Variants in DNAH10 observed in about 807,000 individuals in gnomAD.
The protein encoded by DNAH10 is axonemal beta dynein heavy chain 10.
A neutral mutation model predicts 506.6 loss-of-function variants in DNAH10; 348 were observed. The observed-to-expected ratio is 0.69, with a 90% CI of 0.63 to 0.75. DNAH10 has a LOEUF of 0.75. DNAH10 is among the 30% of genes least tolerant of loss of function. DNAH10 has a pLI of 0.00. For missense variants in DNAH10, 5,179 were observed against 5,787.1 expected (o/e 0.89, Z 3.41); for synonymous variants, 2,059 against 2,198.6 (o/e 0.94, Z 1.78).
At chr12:123,885,040 C>T (rs758504720) in intron 51 of DNAH10, among the ~76,000 whole-genome samples, 6 of 152,156 alleles carry the variant, frequency 3.9e-5, no homozygotes, top group Non-Finnish European at 7.3e-5. Flanking sequence ...ATATTATAAG[C>T]TGAAAATGCA....
intron 43 of DNAH10, among the ~76,000 whole-genome samples, 193 bp downstream of exon 43, chr12:123,868,312 A>G (rs1309163781): frequency 1.3e-5 from 2 of 152,220 alleles, no homozygotes; most frequent in African/African-American, 2.4e-5. Context: ...CTGCTGTGAC[A>G]GAAGCCCAGG....
chr12:123,856,201 T>A (rs1169765008), intron 36 of DNAH10, among the ~76,000 whole-genome samples: 1 of 147,528 alleles, frequency 6.8e-6, no homozygotes, highest in East Asian at 1.9e-4. Context: ...ATATAAATTT[T>A]ATAAAATTTA....
intron 58 of DNAH10, 74 bp from the exon 59 acceptor site, chr12:123,910,462 T>G (rs1268702765): frequency 3.9e-6 from 6 of 1,553,684 alleles, no homozygotes; most frequent in Admixed American, 1.9e-5. Context: ...AAACTAGTTA[T>G]GCTTATTTTG....
chr12:123,809,898 T>C (rs1469353792), intron 19 of DNAH10, among the ~76,000 whole-genome samples: 1 of 152,158 alleles, frequency 6.6e-6, no homozygotes. Context: ...TGGGTTCCTC[T>C]TGCAAGGATC....
chr12:123,877,710 G>GT lies in DNAH10; in HGVS notation c.8200-26_8200-25insT, dbSNP rs373071023. The GT allele has an allele frequency of 3.6e-4, 505 of 1,407,932 alleles. 3 individuals are homozygous for GT. Among genetic ancestry groups the GT allele is most frequent in the Middle Eastern group, 9.9e-4 (5 of 5,046 alleles). 87.2% of individuals were successfully genotyped at this position (1,407,932 alleles called of 1,614,324 possible). A position where few individuals can be genotyped will look rare whatever the true frequency, so the allele number is the denominator to read the frequency against. On this transcript the variant is annotated intron_variant, in intron 47 of 78. Coordinates refer to ENST00000673944, the MANE Select transcript of DNAH10 (RefSeq NM_001372106.1). ...ATCTACTGAAGGACATTTGTGTGTT[G>GT]GGGGGGGTGTCTTTGCATTTTTCAG...
At chr12:123,934,600 G>A (rs777899615) in intron 77 of DNAH10, 21 bp from the exon 78 acceptor site, 18 of 1,612,350 alleles carry the variant, frequency 1.1e-5, no homozygotes, top group Non-Finnish European at 1.5e-5. Flanking sequence ...GTTGTATCCA[G>A]TCTCTGCCTT....
chr12:123,930,638 A>G (rs1176993009), intron 73 of DNAH10, 65 bp downstream of exon 73: 4 of 1,555,324 alleles, frequency 2.6e-6, no homozygotes, highest in Non-Finnish European at 3.5e-6. Flanking sequence ...ATACATTTCA[A>G]CCGGCTCCTC....
chr12:123,929,250 C>T (rs370369821), intron 70 of DNAH10, 25 bp from the exon 71 acceptor site: 1 of 1,565,358 alleles, frequency 6.4e-7, no homozygotes, highest in African/African-American at 1.4e-5. Context: ...GTCTCCATCA[C>T]TGTGTGTTTT....
intron 2 of DNAH10, among the ~76,000 whole-genome samples, chr12:123,769,787 T>C (rs1208674919): frequency 6.6e-6 from 1 of 152,080 alleles, no homozygotes; most frequent in African/African-American, 2.4e-5. Context: ...GGGGCCTTGC[T>C]CTGTGGCCCA....
At chr12:123,807,892 G>GAC (rs1958752805) in intron 18 of DNAH10, among the ~76,000 whole-genome samples, 3 of 141,206 alleles carry the variant, frequency 2.1e-5, no homozygotes, top group Admixed American at 1.4e-4. Flanking sequence ...GGGAGAGAGA[G>GAC]GTGAAGAGAG....
rs1247794771 is a variant in DNAH10 at position 123,848,758 on chromosome 12, C to A, written c.5978C>A (p.Ala1993Glu). 1 of 1,613,902 alleles carries A rather than the reference C, an allele frequency of 6.2e-7. No homozygotes were observed. Among genetic ancestry groups the A allele is most frequent in the Non-Finnish European group, 8.5e-7 (1 of 1,179,892 alleles). Residue 1993 changes from alanine (A) to glutamate (E), a missense_variant, in exon 34 of 79, where the codon GCA (alanine) becomes GAA (glutamate). Physicochemically the swap from Ala to Glu is moderately radical, Grantham distance 107 (BLOSUM62 -1). This residue lies in a region of DNAH10 where 4,844 missense variants were observed against 5,430.5 expected (regional missense o/e 0.89). Coordinates refer to ENST00000673944, the MANE Select transcript of DNAH10 (RefSeq NM_001372106.1). ...GTGGGGAAGATTTTCTCTGGCCTGG[C>A]ACAGTGCGGGGCTTGGGGCTGCTTT... ...RAVGKIFSGL[A>E]QCGAWGCFDE...
chr12:123,930,739 T>C (rs1438758853), intron 73 of DNAH10, among the ~76,000 whole-genome samples, 166 bp downstream of exon 73: 2 of 152,226 alleles, frequency 1.3e-5, no homozygotes, highest in Admixed American at 6.5e-5. Flanking sequence ...AGCTGACTGA[T>C]AGAGTTCAGA....
chr12:123,875,200 T>A, intron 46 of DNAH10, 31 bp from the exon 47 acceptor site: 1 of 1,582,418 alleles, frequency 6.3e-7, no homozygotes, highest in Non-Finnish European at 8.6e-7. Flanking sequence ...GCGATACTAC[T>A]GTTCTCTTTT....
rs562081184 is a variant in DNAH10, at chr12:123,902,832, G to T, written c.9641-107G>T. On this transcript the variant is annotated intron_variant, in intron 56 of 78. Coordinates refer to ENST00000673944, the MANE Select transcript of DNAH10 (RefSeq NM_001372106.1). This position sits in a 1 kb window ranked among gnomAD's most constrained non-coding sequence, Gnocchi z 4.5. ...ATTGGCCAGAGCCCCTTAGATCCCC[G>T]CTAGGGCTCAAGCCAACCTTTGAGG... 1.7e-4 allele frequency: 242 copies of T among 1,389,910 alleles called. 1 individual carries two copies. In the African/African-American group the frequency reaches 2.9e-3, roughly 16 times the overall value. The allele number at this position is 1,389,910 out of a possible 1,614,324, so 86.1% of individuals were successfully genotyped here. A position where few individuals can be genotyped will look rare whatever the true frequency, so the allele number is the denominator to read the frequency against.
intron 51 of DNAH10, among the ~76,000 whole-genome samples, chr12:123,886,749 C>T (rs955029460): frequency 6.6e-6 from 1 of 152,140 alleles, no homozygotes; most frequent in Non-Finnish European, 1.5e-5. Context: ...AACACTTGAG[C>T]AGAAAAAGCG....
chr12:123,870,698 C>G (rs1161969349), intron 44 of DNAH10, among the ~76,000 whole-genome samples: 2 of 152,164 alleles, frequency 1.3e-5, no homozygotes, highest in Non-Finnish European at 2.9e-5. Flanking sequence ...GAGCATCTTC[C>G]GTGGCTCTGC....
At chr12:123,843,066 G>A (rs991246007) in intron 30 of DNAH10, among the ~76,000 whole-genome samples, 4 of 152,184 alleles carry the variant, frequency 2.6e-5, no homozygotes, top group Non-Finnish European at 5.9e-5. Flanking sequence ...TTATTTTCAC[G>A]ATAGCTACCA....
Position 123,785,614 on chromosome 12 carries a change from G to A in DNAH10, c.1231-132G>A. Reference sequence around the variant, plus strand: ...TGTTTGTGCCATTGCACTCCAGCCTGGGCACCAGACTTGGTCTCAAGGAAA... The same window carrying A: ...TGTTTGTGCCATTGCACTCCAGCCTAGGCACCAGACTTGGTCTCAAGGAAA... On this transcript the variant is annotated intron_variant, in intron 8 of 78. Transcript: ENST00000673944. This position sits in a 1 kb window ranked among gnomAD's most constrained non-coding sequence, Gnocchi z 4.1. 2 of 847,458 alleles carry A rather than the reference G, an allele frequency of 2.4e-6. No individual in the cohort carries two copies. Among genetic ancestry groups the A allele is most frequent in the Non-Finnish European group, 1.7e-6 (1 of 588,428 alleles). 52.5% of individuals were successfully genotyped at this position (847,458 alleles called of 1,614,324 possible). A position where few individuals can be genotyped will look rare whatever the true frequency, so the allele number is the denominator to read the frequency against.
intron 40 of DNAH10, 70 bp from the exon 41 acceptor site, chr12:123,865,881 G>A: frequency 2.1e-6 from 3 of 1,427,102 alleles, no homozygotes; most frequent in Non-Finnish European, 2.8e-6. Context: ...TTCCATAAGA[G>A]AAGGTCCTTA....
Sources: allele counts gnomAD v4.1 joint callset (sites outside exome capture counted in the v4.1 genomes callset), GRCh38; gene constraint gnomAD v4.1.1; regional missense constraint gnomAD v4.1.1; non-coding constraint Gnocchi (gnomAD v3.1); transcripts MANE v1.5; gene names NCBI Gene and HGNC (gene_info 2026-07-23, HGNC 2026-07-21).